TENM3: variants seen among roughly 807,000 people sequenced by gnomAD.
The protein encoded by TENM3 is teneurin-3.
In TENM3, 63 loss-of-function variants were observed where a neutral mutation model predicts 255.1. The observed-to-expected ratio is 0.25, with a 90% CI of 0.20 to 0.30. The LOEUF (loss-of-function observed/expected upper bound fraction) is 0.30. Among genes scored for constraint, TENM3 ranks in the 10% least tolerant of loss-of-function variants. The pLI is 1.00. For synonymous variants in TENM3, 1,306 were observed against 1,322.3 expected, an observed-to-expected ratio of 0.99 and a Z score of 0.27; for missense variants, 2,929 against 3,461.1, an observed-to-expected ratio of 0.85 and a Z score of 3.86.
intron 3 of TENM3, among the ~76,000 whole-genome samples, chr4:182,577,047 T>G (rs550120413): frequency 1.4e-4 from 22 of 152,270 alleles, no homozygotes; most frequent in African/African-American, 5.1e-4. Context: ...CACGGCAGCT[T>G]CGTGCTCCCT....
chr4:182,253,953 A>T (rs1211313502), intron 1 of TENM3, among the ~76,000 whole-genome samples: 1 of 152,224 alleles, frequency 6.6e-6, no homozygotes, highest in Non-Finnish European at 1.5e-5. Flanking sequence ...TTTAAAACTG[A>T]TGTATACATT....
chr4:181,779,682 C>A, the TENM3 span, among the ~76,000 whole-genome samples: 5 of 152,004 alleles, frequency 3.3e-5, no homozygotes, highest in Admixed American at 6.6e-5. Flanking sequence ...TACATGTACA[C>A]AATGTGCAGG....
At chr4:182,161,957 GTGTATATATA>G (rs1446310219) in intron 1 of TENM3, among the ~76,000 whole-genome samples, 2,246 of 44,762 alleles carry the variant, frequency 0.05, 341 homozygotes, top group African/African-American at 0.21. Context: ...GTGTGTGTGT[GTGTATATATA>G]TATATATATA....
At chr4:181,977,750 G>A in the TENM3 span, among the ~76,000 whole-genome samples, 1 of 152,164 alleles carries the variant, frequency 6.6e-6, no homozygotes, top group African/African-American at 2.4e-5. Flanking sequence ...AAAGGACTTT[G>A]CTTCCCTCTT....
intron 5 of TENM3, among the ~76,000 whole-genome samples, chr4:182,649,655 CT>C (rs899901064): frequency 1.9e-4 from 28 of 150,514 alleles, no homozygotes; most frequent in African/African-American, 6.3e-4. Flanking sequence ...ATAGCCTGTT[CT>C]TAATTTCATT....
At chr4:181,699,432 G>A in the TENM3 span, among the ~76,000 whole-genome samples, 2 of 83,746 alleles carry the variant, frequency 2.4e-5, no homozygotes, top group African/African-American at 9.2e-5. Context: ...TACAGAGCCA[G>A]ACCCTGTCGC....
chr4:182,730,683 T>A (rs1241918279), intron 15 of TENM3, among the ~76,000 whole-genome samples, 195 bp from the exon 16 acceptor site: 1 of 152,230 alleles, frequency 6.6e-6, no homozygotes, highest in Non-Finnish European at 1.5e-5. Flanking sequence ...ATTGGTGAAC[T>A]TGGTGAATAC....
rs567943021 is a variant in TENM3 at position 182,277,369 on chromosome 4, T to A, written c.-76+33893T>A. Among the ~76,000 whole-genome samples, 4 of 152,282 alleles carry A rather than the reference T, an allele frequency of 2.6e-5. No individual in the cohort carries two copies. The South Asian group carries it at 6.2e-4, about 24-fold the overall frequency. On this transcript the variant is annotated intron_variant, in intron 1 of 27. Transcript: ENST00000511685. Reference sequence around the variant, plus strand: ...TGGGGGGTGGGGGTTGTTGTTTTTTTAATTTTTTTATTGTCTTCTTTTCCA... The same window carrying A: ...TGGGGGGTGGGGGTTGTTGTTTTTTAAATTTTTTTATTGTCTTCTTTTCCA...
the TENM3 span, among the ~76,000 whole-genome samples, chr4:181,706,412 A>G: frequency 6.6e-6 from 1 of 152,202 alleles, no homozygotes; most frequent in South Asian, 2.1e-4. Flanking sequence ...TCATCATCGT[A>G]AAGTCGTCCA....
intron 1 of TENM3, among the ~76,000 whole-genome samples, chr4:182,216,736 G>A (rs1242877582): frequency 1.3e-5 from 2 of 152,310 alleles, no homozygotes; most frequent in East Asian, 3.9e-4. Context: ...TTCTAGCATT[G>A]TGGTGTTCAA....
chr4:182,366,794 A>G (rs1469653030), intron 3 of TENM3, among the ~76,000 whole-genome samples: 1 of 152,220 alleles, frequency 6.6e-6, no homozygotes, highest in African/African-American at 2.4e-5. Flanking sequence ...AAAAAATGTA[A>G]TAGTGGAAAA....
intron 3 of TENM3, among the ~76,000 whole-genome samples, chr4:182,495,548 A>G (rs1009559355): frequency 2.6e-5 from 4 of 152,226 alleles, no homozygotes; most frequent in African/African-American, 9.6e-5. Context: ...ATTTGGTGAA[A>G]AATGAAGACT....
chr4:182,043,752 T>C, the TENM3 span, among the ~76,000 whole-genome samples: 2 of 152,192 alleles, frequency 1.3e-5, no homozygotes, highest in African/African-American at 4.8e-5. Context: ...AACTGTGTGT[T>C]TTCTGCTATA....
Position 182,234,592 on chromosome 4 carries a change from C to T in TENM3, c.-75-89354C>T, listed in dbSNP as rs1030886288. On this transcript the variant is annotated intron_variant, in intron 1 of 2. Coordinates refer to the TENM3 transcript ENST00000512480. ...TACTAAAATACAAAAATTAGCCGGG[C>T]GTGGTGGCAGGCCCCTGTAATCCCA... 6.6e-5 allele frequency among the ~76,000 whole-genome samples: 10 copies of T among 151,948 alleles called. No homozygotes were observed. In the South Asian group the frequency reaches 8.3e-4, roughly 13 times the overall value.
intron 5 of TENM3, among the ~76,000 whole-genome samples, chr4:182,643,229 A>G (rs549669780): frequency 1.8e-4 from 28 of 152,346 alleles, no homozygotes; most frequent in Non-Finnish European, 3.5e-4. Flanking sequence ...TGAAATACAC[A>G]TGTGCATCGT....
At chr4:181,754,306 A>ACACG in the TENM3 span, among the ~76,000 whole-genome samples, 1 of 151,778 alleles carries the variant, frequency 6.6e-6, no homozygotes, top group Non-Finnish European at 1.5e-5. Flanking sequence ...ACACACACAC[A>ACACG]CACACACACA....
At chr4:181,926,745 C>G in the TENM3 span, among the ~76,000 whole-genome samples, 1 of 151,732 alleles carries the variant, frequency 6.6e-6, no homozygotes, top group South Asian at 2.1e-4. Flanking sequence ...AGGAACAGCT[C>G]CGGTCTGCAG....
chr4:181,673,896 G>A, the TENM3 span, among the ~76,000 whole-genome samples: 1 of 149,284 alleles, frequency 6.7e-6, no homozygotes, highest in Admixed American at 6.7e-5. Context: ...GTGTGTTTTA[G>A]AATTATGGCA....
At chr4:182,242,003 C>CAT (rs1757300234), upstream of TENM3, among the ~76,000 whole-genome samples, 1 of 125,808 alleles carries the variant, frequency 7.9e-6, no homozygotes, top group African/African-American at 3.1e-5. Context: ...AATTTGCCTT[C>CAT]TTTTTTTTTT....
Sources: allele counts gnomAD v4.1 joint callset (sites outside exome capture counted in the v4.1 genomes callset), GRCh38; gene constraint gnomAD v4.1.1; transcripts MANE v1.5; gene names NCBI Gene and HGNC (gene_info 2026-07-23, HGNC 2026-07-21).